ETV6: variants seen among roughly 807,000 people sequenced by gnomAD.
The protein encoded by ETV6 is ETS variant transcription factor 6.
A neutral mutation model predicts 51.1 loss-of-function variants in ETV6; 16 were observed. That is an observed-to-expected ratio of 0.31 (90% CI 0.21 to 0.48). The LOEUF is 0.48. Ranked by LOEUF, ETV6 falls within the 20% of genes least tolerant of loss-of-function variation. The probability of loss-of-function intolerance (pLI) is 0.99; values close to 1 mark genes in which losing one functional copy is unlikely to be tolerated. For missense variants in ETV6, 458 were observed against 594.8 expected (o/e 0.77, Z 2.39); for synonymous variants, 240 against 224.1 (o/e 1.07, Z -0.64).
chr12:11,679,518 A>T (rs563929260), intron 1 of ETV6, among the ~76,000 whole-genome samples: 1 of 152,346 alleles, frequency 6.6e-6, no homozygotes, highest in Admixed American at 6.5e-5. Context: ...ACACTGGTGA[A>T]GGGTAGGAAC....
At chr12:11,665,958 A>G (rs1264315643) in intron 1 of ETV6, among the ~76,000 whole-genome samples, 1 of 152,240 alleles carries the variant, frequency 6.6e-6, no homozygotes, top group Non-Finnish European at 1.5e-5. Flanking sequence ...GAGACAGCCC[A>G]AGATAAATGA....
At chr12:11,727,318 C>T (rs765127888) in intron 1 of ETV6, among the ~76,000 whole-genome samples, 22 of 152,246 alleles carry the variant, frequency 1.4e-4, no homozygotes, top group Non-Finnish European at 2.4e-4. Flanking sequence ...GCAAGCCAAC[C>T]GCACACCTCA....
intron 1 of ETV6, among the ~76,000 whole-genome samples, chr12:11,661,077 A>T (rs552440574): frequency 6.6e-6 from 1 of 152,296 alleles, no homozygotes; most frequent in Non-Finnish European, 1.5e-5. Context: ...GTAACCTCAA[A>T]GTCCTGGGCT....
At position 11,893,993 on chromosome 12, in the gene ETV6, G is replaced by A. The variant is rs549002330; in HGVS notation, c.*2947G>A. 4.5e-6 allele frequency: 1 copy of A among 223,100 alleles called. No individual in the cohort carries two copies. Among genetic ancestry groups the A allele is most frequent in the South Asian group, 1.9e-4 (1 of 5,368 alleles). 13.8% of individuals were successfully genotyped at this position (223,100 alleles called of 1,614,324 possible). On this transcript the variant is annotated 3_prime_UTR_variant, in exon 8 of 8. Coordinates refer to ENST00000396373, the MANE Select transcript of ETV6 (RefSeq NM_001987.5). Reference sequence around the variant, plus strand: ...TTTCGTAATTCCCCTAACTGCAAATGTCCTCTTCATTTGTTCTTTATGAGA... The same window carrying A: ...TTTCGTAATTCCCCTAACTGCAAATATCCTCTTCATTTGTTCTTTATGAGA...
chr12:11,675,279 T>C (rs1864401261), intron 1 of ETV6, among the ~76,000 whole-genome samples: 1 of 152,214 alleles, frequency 6.6e-6, no homozygotes. Context: ...CCATTTGTAC[T>C]TCTGCTACAA....
Position 11,840,750 on chromosome 12 carries a change from T to A in ETV6, c.328+1446T>A, listed in dbSNP as rs189850541. 1.2e-3 allele frequency: 372 copies of A among 317,638 alleles called. 1 individual carries two copies. Among genetic ancestry groups the A allele is most frequent in the Admixed American group, 3.0e-3 (66 of 21,988 alleles). 19.7% of individuals were successfully genotyped at this position (317,638 alleles called of 1,614,324 possible). On this transcript the variant is annotated intron_variant, in intron 3 of 7. Coordinates refer to ENST00000396373, the MANE Select transcript of ETV6 (RefSeq NM_001987.5). ...GAAAGTTTATATCTTCAAAATTGAG[T>A]AATTTGGAAGGGACACAAACATACC...
intron 1 of ETV6, among the ~76,000 whole-genome samples, chr12:11,749,966 CTG>C (rs1379576349): frequency 3.3e-5 from 5 of 152,236 alleles, no homozygotes; most frequent in African/African-American, 7.2e-5. Flanking sequence ...GTGTGGAAAA[CTG>C]TCCTCCAGCT....
chr12:11,706,670 G>A (rs557358711), intron 1 of ETV6, among the ~76,000 whole-genome samples: 1 of 152,314 alleles, frequency 6.6e-6, no homozygotes, highest in African/African-American at 2.4e-5. Context: ...AAGTGGAGAG[G>A]GTGGGAGAGC....
intron 2 of ETV6, among the ~76,000 whole-genome samples, chr12:11,769,775 G>A (rs1193273912): frequency 6.6e-6 from 1 of 152,212 alleles, no homozygotes; most frequent in African/African-American, 2.4e-5. Context: ...GCGGGAAGGT[G>A]GAAGACATTG....
At chr12:11,692,009 C>G (rs1169094173) in intron 1 of ETV6, among the ~76,000 whole-genome samples, 2 of 152,142 alleles carry the variant, frequency 1.3e-5, no homozygotes, top group Non-Finnish European at 2.9e-5. Flanking sequence ...CAAGACACTT[C>G]TATGGTTTGA....
intron 2 of ETV6, among the ~76,000 whole-genome samples, chr12:11,797,852 A>G (rs1055956761): frequency 6.6e-6 from 1 of 152,226 alleles, no homozygotes; most frequent in African/African-American, 2.4e-5. Flanking sequence ...GGACATTCCA[A>G]GTTTGTGTGA....
At chr12:11,760,876 A>ATGTGTGTGTGTGTGTG in intron 2 of ETV6, among the ~76,000 whole-genome samples, 1 of 71,918 alleles carries the variant, frequency 1.4e-5, no homozygotes, top group South Asian at 9.5e-4. Context: ...ATTATTATAT[A>ATGTGTGTGTGTGTGTG]TATGTGTGTG....
At chr12:11,890,130 T>C (rs1489723274) in intron 7 of ETV6, among the ~76,000 whole-genome samples, 1 of 151,688 alleles carries the variant, frequency 6.6e-6, no homozygotes, top group Non-Finnish European at 1.5e-5. Context: ...AAAGATTTTT[T>C]TTTTTTTTTT....
chr12:11,773,579 C>A (rs1434153965), intron 2 of ETV6, among the ~76,000 whole-genome samples: 2 of 152,176 alleles, frequency 1.3e-5, no homozygotes, highest in African/African-American at 4.8e-5. Context: ...TCCATGATAG[C>A]TGTGAACCCC....
chr12:11,681,335 A>G (rs1864528197), intron 1 of ETV6, among the ~76,000 whole-genome samples: 1 of 152,170 alleles, frequency 6.6e-6, no homozygotes. Flanking sequence ...AACAAATTTC[A>G]TGCCCCTTTC....
rs983065714 is a variant in ETV6 at position 11,789,783 on chromosome 12, G to A, written c.163+37204G>A. Among the ~76,000 whole-genome samples, 3 of 152,238 alleles carry A rather than the reference G, an allele frequency of 2.0e-5. No homozygotes were observed. In the East Asian group the frequency reaches 5.8e-4, roughly 29 times the overall value. On this transcript the variant is annotated intron_variant, in intron 2 of 7. Coordinates refer to ENST00000396373, the MANE Select transcript of ETV6 (RefSeq NM_001987.5). Reference sequence around the variant, plus strand: ...TTTTTTTCAGTGCCATTGTTGAGAAGACCATGCCATTCCGATCTTTAATCT... The same window carrying A: ...TTTTTTTCAGTGCCATTGTTGAGAAAACCATGCCATTCCGATCTTTAATCT...
chr12:11,673,952 G>A (rs1864367181), intron 1 of ETV6, among the ~76,000 whole-genome samples: 1 of 152,162 alleles, frequency 6.6e-6, no homozygotes, highest in Non-Finnish European at 1.5e-5. Flanking sequence ...GTTGAAGCAA[G>A]TAAAGTTTTT....
At chr12:11,708,751 G>A (rs976178125) in intron 1 of ETV6, among the ~76,000 whole-genome samples, 1 of 152,118 alleles carries the variant, frequency 6.6e-6, no homozygotes, top group East Asian at 1.9e-4. Flanking sequence ...AACCAACCCT[G>A]CTTTTCTGCT....
chr12:11,830,683 A>G (rs1434880011), intron 2 of ETV6, among the ~76,000 whole-genome samples: 3 of 152,198 alleles, frequency 2.0e-5, no homozygotes, highest in Non-Finnish European at 4.4e-5. Context: ...ACAGTCTGGC[A>G]TTAAACCTGG....
Sources: allele counts gnomAD v4.1 joint callset (sites outside exome capture counted in the v4.1 genomes callset), GRCh38; gene constraint gnomAD v4.1.1; transcripts MANE v1.5; gene names NCBI Gene and HGNC (gene_info 2026-07-23, HGNC 2026-07-21).